The following CRYM variants were observed in gnomAD, a reference collection of about 807,000 sequenced individuals.
CRYM encodes ketimine reductase mu-crystallin.
A neutral mutation model predicts 32.9 loss-of-function variants in CRYM; 18 were observed. The observed-to-expected ratio is 0.55, with a 90% CI of 0.38 to 0.81. The LOEUF (loss-of-function observed/expected upper bound fraction) is 0.81, where lower values mean the gene tolerates loss of function less well. Ranked by LOEUF, CRYM falls within the 30% of genes least tolerant of loss-of-function variation. CRYM has a pLI of 0.00. For synonymous variants in CRYM, 153 were observed against 152.4 expected, an observed-to-expected ratio of 1.00 and a Z score of -0.03; for missense variants, 337 against 393.5, an observed-to-expected ratio of 0.86 and a Z score of 1.21.
At chr16:21,290,795 CTGA>C (rs2152864937) in intron 1 of CRYM, among the ~76,000 whole-genome samples, 1 of 152,294 alleles carries the variant, frequency 6.6e-6, no homozygotes, top group South Asian at 2.1e-4. Context: ...GTCCTTTCAA[CTGA>C]TGATATATTC....
At chr16:21,281,283 C>T (rs1329649647), upstream of CRYM, among the ~76,000 whole-genome samples, 1 of 150,458 alleles carries the variant, frequency 6.6e-6, no homozygotes, top group Non-Finnish European at 1.5e-5. Context: ...GAAACAAAGT[C>T]CCTCTCTGTC....
upstream of CRYM, chr16:21,278,827 GCA>G (rs2093393017): frequency 6.5e-6 from 1 of 152,780 alleles, no homozygotes; most frequent in Middle Eastern, 3.4e-3. Flanking sequence ...TGCTAAGAAC[GCA>G]CAGTTTTCTC....
chr16:21,264,296 G>T (rs1410844352), intron 5 of CRYM, among the ~76,000 whole-genome samples: 3 of 152,166 alleles, frequency 2.0e-5, no homozygotes, highest in Non-Finnish European at 4.4e-5. Flanking sequence ...CGTTTCTCAG[G>T]CCACTCCTTC....
At chr16:21,278,515 T>C (rs2093392366), upstream of CRYM, 1 of 569,954 alleles carries the variant, frequency 1.8e-6, no homozygotes, top group Non-Finnish European at 3.2e-6. Flanking sequence ...GAGTCAATAT[T>C]GTTTGGTCCA....
rs372749347 is a variant in CRYM at position 21,290,688 on chromosome 16, TTTC to T, written c.-192-11731_-192-11729del. Among the ~76,000 whole-genome samples, 299 of 152,318 alleles carry T rather than the reference TTTC, an allele frequency of 2.0e-3. 1 individual carries two copies. The highest frequency in any genetic ancestry group is 6.9e-3 in the African/African-American group (286 of 41,574). ...TTCAGAGCCTTACCTCTTAAACATG[TTTC>T]TTATTTACTCATATATATTCATAAA... is the stretch of plus-strand genomic sequence containing the variant. On this transcript the variant is annotated intron_variant, in intron 1 of 9. Transcript: ENST00000219599.
intron 1 of CRYM, chr16:21,301,425 A>G (rs1423020097): frequency 1.4e-5 from 2 of 146,304 alleles, no homozygotes; most frequent in African/African-American, 5.0e-5. Context: ...TGCGCATGGG[A>G]CGAGGTGGGT....
At chr16:21,289,995 A>G (rs549916817) in intron 1 of CRYM, among the ~76,000 whole-genome samples, 11 of 148,448 alleles carry the variant, frequency 7.4e-5, no homozygotes, top group African/African-American at 2.4e-4. Context: ...ACCAATCAGC[A>G]CTCTGTAAAA....
intron 5 of CRYM, among the ~76,000 whole-genome samples, chr16:21,265,328 G>A (rs1327306698): frequency 6.6e-6 from 1 of 152,092 alleles, no homozygotes; most frequent in Non-Finnish European, 1.5e-5. Context: ...CCTCTACCCT[G>A]AATGCCTTTC....
intron 4 of CRYM, among the ~76,000 whole-genome samples, chr16:21,269,143 C>CAAAAAAA (rs35798113): frequency 1.3e-5 from 1 of 78,484 alleles, no homozygotes; most frequent in Admixed American, 1.5e-4. Context: ...GACTCCATTT[C>CAAAAAAA]AAAAAAAAAA....
chr16:21,269,972 G>A, intron 3 of CRYM, 81 bp from the exon 4 acceptor site: 1 of 941,544 alleles, frequency 1.1e-6, no homozygotes, highest in Non-Finnish European at 1.7e-6. Flanking sequence ...TGAGTATCAG[G>A]TGACTTCTGC....
At chr16:21,287,772 A>G (rs531105553) in intron 1 of CRYM, among the ~76,000 whole-genome samples, 1 of 152,356 alleles carries the variant, frequency 6.6e-6, no homozygotes, top group South Asian at 2.1e-4. Context: ...TCTGTGTCCC[A>G]TGCCCCTTGC....
chr16:21,286,202 G>C (rs2093406850), intron 1 of CRYM, among the ~76,000 whole-genome samples: 1 of 150,756 alleles, frequency 6.6e-6, no homozygotes, highest in Admixed American at 6.6e-5. Flanking sequence ...TCTTAGAATA[G>C]ACATAGTTAA....
rs1015932625 is a variant in CRYM at position 21,278,205 on chromosome 16, T to C, written c.47A>G (p.His16Arg). The C allele has an allele frequency of 6.4e-7, 1 of 1,554,668 alleles. No individual in the cohort carries two copies. Residue 16 changes from histidine to arginine, a missense_variant, in exon 1 of 8, where the codon CAC becomes CGC. Physicochemically the swap from His to Arg is conservative, Grantham distance 29. Coordinates refer to ENST00000572914, the MANE Select transcript of CRYM (RefSeq NM_001376256.1). Reference protein sequence around the residue: ...AFLSAAEVEEHLRSSSLLIPP... With the variant: ...AFLSAAEVEERLRSSSLLIPP... ...GATGAGGAGGCTGGAGCTGCGGAGG[T>C]GTTCCTCCACCTCGGCCGCGCTCAG... is the stretch of plus-strand genomic sequence containing the variant.
At chr16:21,297,062 A>G (rs916247755) in intron 1 of CRYM, among the ~76,000 whole-genome samples, 3 of 151,598 alleles carry the variant, frequency 2.0e-5, no homozygotes, top group African/African-American at 7.3e-5. Flanking sequence ...AAACACAAGC[A>G]AGGTTTTTAC....
At chr16:21,295,225 A>G (rs1960763452) in intron 1 of CRYM, among the ~76,000 whole-genome samples, 4 of 152,186 alleles carry the variant, frequency 2.6e-5, no homozygotes, top group Admixed American at 1.3e-4. Flanking sequence ...CTGGTTCTAG[A>G]TCCTTGAGGA....
At chr16:21,295,601 A>T (rs760574181) in intron 1 of CRYM, among the ~76,000 whole-genome samples, 21 of 152,184 alleles carry the variant, frequency 1.4e-4, no homozygotes, top group Non-Finnish European at 2.8e-4. Flanking sequence ...ATTGTTAACT[A>T]TAGTAATACA....
chr16:21,270,895 G>A lies in CRYM; in HGVS notation c.388-1004C>T, dbSNP rs181838362. 9.2e-4 allele frequency among the ~76,000 whole-genome samples: 140 copies of A among 152,264 alleles called. 1 individual carries two copies. The highest frequency in any genetic ancestry group is 1.6e-3 in the Non-Finnish European group (112 of 68,018). On this transcript the variant is annotated intron_variant, in intron 3 of 7. Coordinates refer to ENST00000572914, the MANE Select transcript of CRYM (RefSeq NM_001376256.1). ...GAGCAGGATTCTGTGATCAACTCAC[G>A]TCCAGTGCCACCTCTCCAATGAAGC...
intron 1 of CRYM, among the ~76,000 whole-genome samples, chr16:21,290,776 A>T (rs1433717587): frequency 6.6e-6 from 1 of 152,206 alleles, no homozygotes; most frequent in Non-Finnish European, 1.5e-5. Context: ...TGTTTCTCTG[A>T]GGATGTATGT....
At chr16:21,286,755 T>G (rs992463731) in intron 1 of CRYM, among the ~76,000 whole-genome samples, 4 of 152,176 alleles carry the variant, frequency 2.6e-5, no homozygotes, top group African/African-American at 9.7e-5. Flanking sequence ...TAAATAAGCC[T>G]ACTATGTCTC....
Sources: allele counts gnomAD v4.1 joint callset (sites outside exome capture counted in the v4.1 genomes callset), GRCh38; gene constraint gnomAD v4.1.1; transcripts MANE v1.5; gene names NCBI Gene and HGNC (gene_info 2026-07-23, HGNC 2026-07-21).